ZNF761: variants seen among roughly 807,000 people sequenced by gnomAD.
ZNF761 encodes zinc finger protein 761.
Under a neutral mutation model 59.9 loss-of-function variants are expected in ZNF761, and 43 were observed. The ratio of observed to expected loss-of-function variants is 0.72; its 90% confidence interval spans 0.56 to 0.92. The LOEUF is 0.92. Ranked by LOEUF, ZNF761 falls within the 40% of genes least tolerant of loss-of-function variation. The pLI is 0.00. For synonymous variants in ZNF761, 294 were observed against 304.8 expected, an observed-to-expected ratio of 0.96 and a Z score of 0.37; for missense variants, 850 against 906.1, an observed-to-expected ratio of 0.94 and a Z score of 0.79.
intron 1 of ZNF761, among the ~76,000 whole-genome samples, chr19:53,441,188 A>G (rs926002207): frequency 6.6e-6 from 1 of 152,164 alleles, no homozygotes; most frequent in Non-Finnish European, 1.5e-5. Context: ...AGGCTGAGGC[A>G]TGAGAATCAC....
intron 1 of ZNF761, among the ~76,000 whole-genome samples, chr19:53,435,836 A>G (rs1309871707): frequency 6.6e-6 from 1 of 152,128 alleles, no homozygotes; most frequent in African/African-American, 2.4e-5. Flanking sequence ...GTTGAGCACA[A>G]CGACAGAACA....
chr19:53,444,501 G>A (rs999564935), intron 1 of ZNF761: 5 of 152,088 alleles, frequency 3.3e-5, no homozygotes, highest in South Asian at 2.1e-4. Context: ...CTTTGCTTAC[G>A]TTTTCCTGCT....
At chr19:53,434,000 A>G (rs2617757) in intron 1 of ZNF761, among the ~76,000 whole-genome samples, 20,960 of 152,094 alleles carry the variant, frequency 0.14, 1,588 homozygotes, top group African/African-American at 0.18. Context: ...CCTCCTTCCT[A>G]GGCTAGGAGG....
chr19:53,444,023 A>G (rs2086127905), intron 1 of ZNF761: 1 of 152,608 alleles, frequency 6.6e-6, no homozygotes, highest in Admixed American at 6.5e-5. Context: ...GGTAAAAGTC[A>G]TCACCATTCT....
intron 1 of ZNF761, chr19:53,442,549 A>T (rs1330389055): frequency 1.4e-6 from 1 of 691,712 alleles, no homozygotes; most frequent in Non-Finnish European, 2.7e-6. Context: ...ACCAAAGAGG[A>T]ACACCTCTGT....
chr19:53,442,481 G>A, intron 1 of ZNF761: 1 of 742,194 alleles, frequency 1.3e-6, no homozygotes, highest in Non-Finnish European at 2.5e-6. Flanking sequence ...AGTTGGCTGA[G>A]AGATCAGTAG....
chr19:53,446,217 T>G lies in ZNF761; in HGVS notation c.-184-10T>G, dbSNP rs1209752656. The G allele has an allele frequency of 2.0e-5, 3 of 152,530 alleles. No individual in the cohort carries two copies. The highest frequency in any genetic ancestry group is 4.4e-5 in the Non-Finnish European group (3 of 68,374). 9.4% of individuals were successfully genotyped at this position (152,530 alleles called of 1,614,324 possible). ...ACATCAGAATTTTTTTTTCTTTTTTTTGGAGACAGAGTATTGCCCGGGCTG... is the reference window on the plus strand; with the variant it reads ...ACATCAGAATTTTTTTTTCTTTTTTGTGGAGACAGAGTATTGCCCGGGCTG... On this transcript the variant is annotated splice_polypyrimidine_tract_variant and intron_variant, in intron 1 of 4. Coordinates refer to ENST00000684525, the MANE Select transcript of ZNF761 (RefSeq NM_001289951.2).
At chr19:53,450,120 T>A (rs547236337) in intron 4 of ZNF761, 14 of 268,144 alleles carry the variant, frequency 5.2e-5, no homozygotes, top group Non-Finnish European at 7.7e-5. Flanking sequence ...CCGGCCAACA[T>A]GGTGAAACCC....
chr19:53,451,865 G>A (rs1402181773), intron 4 of ZNF761, among the ~76,000 whole-genome samples: 1 of 151,808 alleles, frequency 6.6e-6, no homozygotes, highest in Admixed American at 6.6e-5. Context: ...GGGATTACAG[G>A]TGTGAACCAC....
intron 1 of ZNF761, among the ~76,000 whole-genome samples, chr19:53,432,906 G>A (rs140090833): frequency 6.6e-6 from 1 of 151,130 alleles, no homozygotes; most frequent in Non-Finnish European, 1.5e-5. Context: ...AAAGAGGGAG[G>A]CTCATCAGGG....
chr19:53,440,326 C>A (rs1324095443), intron 1 of ZNF761, among the ~76,000 whole-genome samples: 4 of 152,114 alleles, frequency 2.6e-5, no homozygotes, highest in African/African-American at 9.7e-5. Context: ...GAGACCCTGT[C>A]TCAAAAGAAT....
At position 53,455,876 on chromosome 19, in the gene ZNF761, C is replaced by T. The variant is rs758831420; in HGVS notation, c.1369C>T (p.Arg457Cys). 27 of 1,613,622 alleles carry T rather than the reference C, an allele frequency of 1.7e-5. No individual in the cohort carries two copies. In the African/African-American group the frequency reaches 2.0e-4, roughly 12 times the overall value. ...FSRTSSLTCH[R>C]RRHTGEQPYK... ...CCGGACATCATCCCTTACATGCCAT[C>T]GTAGACGTCATACTGGAGAGCAACC... is the stretch of plus-strand genomic sequence containing the variant. Residue 457 changes from arginine (R) to cysteine (C), a missense_variant, in exon 5 of 5, where the codon CGT (arginine) becomes TGT (cysteine). Arg to Cys is a radical substitution (Grantham distance 180). Coordinates refer to ENST00000684525, the MANE Select transcript of ZNF761 (RefSeq NM_001289951.2).
rs1446412704 is a variant in ZNF761 at position 53,457,919 on chromosome 19, TATTA to T, written c.*1175_*1178del. The T allele has an allele frequency of 6.6e-6, 1 of 152,496 alleles. No individual in the cohort carries two copies. Among genetic ancestry groups the T allele is most frequent in the Admixed American group, 6.5e-5 (1 of 15,290 alleles). 9.4% of individuals were successfully genotyped at this position (152,496 alleles called of 1,614,324 possible). On this transcript the variant is annotated 3_prime_UTR_variant, in exon 5 of 5. Transcript: ENST00000684525. ...GGGTTATTATATAATCATTTCACAATATTAATTTTTCCAAGCTATCAATATGGGT... is the reference window on the plus strand; with the variant it reads ...GGGTTATTATATAATCATTTCACAATATTTTTCCAAGCTATCAATATGGGT...
At position 53,456,984 on chromosome 19, in the gene ZNF761, C is replaced by T. The variant is rs2086278400; in HGVS notation, c.*236C>T. ...AGGAGAATTCATACTGGAGAGAAAC[C>T]ATAAAAATGTAAGAGTTTGTGACAA... is the stretch of plus-strand genomic sequence containing the variant. On this transcript the variant is annotated 3_prime_UTR_variant, in exon 5 of 5. Transcript: ENST00000684525. The T allele has an allele frequency of 4.2e-6, 3 of 712,130 alleles. No homozygotes were observed. The highest frequency in any genetic ancestry group is 7.3e-6 in the Non-Finnish European group (3 of 409,594). The allele number at this position is 712,130 out of a possible 1,614,324, so 44.1% of individuals were successfully genotyped here. A position where few individuals can be genotyped will look rare whatever the true frequency, so the allele number is the denominator to read the frequency against.
intron 1 of ZNF761, among the ~76,000 whole-genome samples, chr19:53,433,048 G>A (rs1389804092): frequency 3.2e-4 from 10 of 30,796 alleles, no homozygotes; most frequent in African/African-American, 1.4e-3. Flanking sequence ...GGGGACAGGG[G>A]GGTATAACAG....
rs778900882 is a variant in ZNF761 at position 53,456,360 on chromosome 19, C to T, written c.1853C>T (p.Thr618Met). 79 of 1,598,232 alleles carry T rather than the reference C, an allele frequency of 4.9e-5. No individual in the cohort carries two copies. The highest frequency in any genetic ancestry group is 2.0e-4 in the African/African-American group (14 of 70,072). ...CNECGKTFSR[T>M]SSLTCHRRLH... ...GAGTGTGGCAAGACCTTCAGTCGGA[C>T]GTCATCCCTTACATGCCATCGTAGA... Residue 618 changes from threonine to methionine, a missense_variant, in exon 5 of 5, where the codon ACG becomes ATG. By Grantham distance (81) the Thr-to-Met change is moderately conservative (BLOSUM62 -1). Coordinates refer to ENST00000684525, the MANE Select transcript of ZNF761 (RefSeq NM_001289951.2).
chr19:53,447,730 A>C (rs778984666), intron 3 of ZNF761, among the ~76,000 whole-genome samples: 20 of 152,322 alleles, frequency 1.3e-4, no homozygotes, highest in Non-Finnish European at 2.1e-4. Flanking sequence ...TGATTTTATA[A>C]TACATTTTTA....
At position 53,457,097 on chromosome 19, in the gene ZNF761, CT is replaced by C; in HGVS notation, c.*352del. On this transcript the variant is annotated 3_prime_UTR_variant, in exon 5 of 5. Transcript: ENST00000684525. ...ACCAGTGTAATGAGTGTGGCAAAGCCTTTAGTAGGCAGTCAACACTTGTTTA... is the reference window on the plus strand; with the variant it reads ...ACCAGTGTAATGAGTGTGGCAAAGCCTTAGTAGGCAGTCAACACTTGTTTA... The C allele has an allele frequency of 1.7e-6, 1 of 593,294 alleles. No individual in the cohort carries two copies. The highest frequency in any genetic ancestry group is 3.0e-6 in the Non-Finnish European group (1 of 330,926). The allele number at this position is 593,294 out of a possible 1,614,324, so 36.8% of individuals were successfully genotyped here.
chr19:53,439,959 A>G (rs2086081632), intron 1 of ZNF761, among the ~76,000 whole-genome samples: 1 of 152,158 alleles, frequency 6.6e-6, no homozygotes, highest in Admixed American at 6.5e-5. Flanking sequence ...CCTATACTCC[A>G]GGAATTTCTT....
Sources: allele counts gnomAD v4.1 joint callset (sites outside exome capture counted in the v4.1 genomes callset), GRCh38; gene constraint gnomAD v4.1.1; transcripts MANE v1.5; gene names NCBI Gene and HGNC (gene_info 2026-07-23, HGNC 2026-07-21).